Variants in CUBN observed in about 807,000 individuals in gnomAD.
The protein encoded by CUBN is cubilin, also known as 460 kDa receptor.
A neutral mutation model predicts 405.3 loss-of-function variants in CUBN; 282 were observed. The ratio of observed to expected loss-of-function variants is 0.70; its 90% confidence interval spans 0.63 to 0.77. The LOEUF is 0.77. Ranked by LOEUF, CUBN falls within the 30% of genes least tolerant of loss-of-function variation. The probability of loss-of-function intolerance (pLI) is 0.00; values close to 1 mark genes in which losing one functional copy is unlikely to be tolerated. For synonymous variants in CUBN, 1,684 were observed against 1,617.0 expected, an observed-to-expected ratio of 1.04 and a Z score of -0.99; for missense variants, 4,514 against 4,475.2, an observed-to-expected ratio of 1.01 and a Z score of -0.25.
chr10:17,100,262 T>A, intron 13 of CUBN, 23 bp from the exon 14 acceptor site: 2 of 1,435,540 alleles, frequency 1.4e-6, no homozygotes, highest in Non-Finnish European at 2.0e-6. Context: ...AGGCCACATA[T>A]ATTATCTTTT....
chr10:16,928,641 T>C (rs905192696), intron 40 of CUBN, among the ~76,000 whole-genome samples: 1 of 150,878 alleles, frequency 6.6e-6, no homozygotes, highest in African/African-American at 2.4e-5. Flanking sequence ...GTGATTCTCC[T>C]GCCTCAGCCT....
At chr10:16,949,044 C>T (rs114400340) in intron 34 of CUBN, among the ~76,000 whole-genome samples, 3 of 152,156 alleles carry the variant, frequency 2.0e-5, no homozygotes, top group Non-Finnish European at 4.4e-5. Context: ...AAGTGACTTA[C>T]GTGCTTGGTG....
chr10:16,860,785 T>C (rs1314663770), intron 59 of CUBN, among the ~76,000 whole-genome samples: 1 of 152,218 alleles, frequency 6.6e-6, no homozygotes, highest in Non-Finnish European at 1.5e-5. Flanking sequence ...CCTTTCAGTC[T>C]CTTTCTTTAT....
chr10:16,982,880 C>A (rs1833314609), intron 30 of CUBN, among the ~76,000 whole-genome samples: 1 of 152,054 alleles, frequency 6.6e-6, no homozygotes, highest in African/African-American at 2.4e-5. Context: ...ATACAGATGC[C>A]AAAATTTATT....
intron 36 of CUBN, among the ~76,000 whole-genome samples, chr10:16,946,608 G>A (rs958678388): frequency 6.7e-6 from 1 of 149,686 alleles, no homozygotes; most frequent in Non-Finnish European, 1.5e-5. Flanking sequence ...GCATTCTCCT[G>A]CCTCAGCCTC....
At chr10:16,906,124 C>T in intron 50 of CUBN, 79 bp downstream of exon 50, 1 of 1,175,546 alleles carries the variant, frequency 8.5e-7, no homozygotes, top group Non-Finnish European at 1.3e-6. Context: ...AAAACAACAA[C>T]AACAGCAGCG....
intron 14 of CUBN, among the ~76,000 whole-genome samples, chr10:17,095,623 G>A (rs1447536700): frequency 6.6e-6 from 1 of 151,980 alleles, no homozygotes; most frequent in Admixed American, 6.6e-5. Flanking sequence ...GATGAGATGT[G>A]GAGAAAAGGG....
intron 59 of CUBN, among the ~76,000 whole-genome samples, chr10:16,867,656 T>C (rs961249843): frequency 3.9e-5 from 6 of 152,082 alleles, no homozygotes; most frequent in Non-Finnish European, 8.8e-5. Flanking sequence ...TGGCAAGGAG[T>C]TCCGTTTCTA....
At chr10:16,899,226 G>A (rs201786032) in intron 53 of CUBN, 43 bp from the exon 54 acceptor site, 1 of 1,529,564 alleles carries the variant, frequency 6.5e-7, no homozygotes, top group East Asian at 2.2e-5. Context: ...AGCAAGGAAA[G>A]TAATTTTGGA....
chr10:16,917,773 CCTT>C (rs1841923578), intron 45 of CUBN, among the ~76,000 whole-genome samples: 1 of 152,076 alleles, frequency 6.6e-6, no homozygotes, highest in Non-Finnish European at 1.5e-5. Flanking sequence ...CATTTACACT[CCTT>C]ACTTATTTCT....
intron 31 of CUBN, among the ~76,000 whole-genome samples, chr10:16,977,874 C>A (rs1318101269): frequency 6.6e-6 from 1 of 152,178 alleles, no homozygotes; most frequent in Admixed American, 6.5e-5. Context: ...TGAGACACAC[C>A]CCTGTTGAAT....
Position 16,990,429 on chromosome 10 carries a change from A to G in CUBN, c.4255T>C (p.Trp1419Arg). The G allele has an allele frequency of 6.2e-7, 1 of 1,614,172 alleles. No individual in the cohort carries two copies. ...NRYPPNKECI[W>R]YIRTDPGSSI... ...CTCCCGGGGTCCGTCCTAATGTACC[A>G]GATACACTCCTTGTTTGGTGGATAC... Residue 1419 changes from tryptophan to arginine, a missense_variant, in exon 29 of 67, where the codon TGG becomes CGG. By Grantham distance (101) the Trp-to-Arg change is moderately radical. Transcript: ENST00000377833.
chr10:16,904,954 G>A (rs1022203651), intron 50 of CUBN, among the ~76,000 whole-genome samples: 7 of 152,148 alleles, frequency 4.6e-5, no homozygotes, highest in African/African-American at 1.4e-4. Flanking sequence ...AGAGGTTGGA[G>A]GACTCTCTGG....
chr10:16,914,014 G>T (rs1199228147), intron 47 of CUBN, 22 bp from the exon 48 acceptor site: 1 of 1,612,956 alleles, frequency 6.2e-7, no homozygotes, highest in Non-Finnish European at 8.5e-7. Context: ...AAAAAGCCAA[G>T]AAAACTTTCA....
intron 46 of CUBN, 88 bp from the exon 47 acceptor site, chr10:16,915,260 A>C: frequency 6.5e-7 from 1 of 1,533,004 alleles, no homozygotes; most frequent in African/African-American, 1.4e-5. Context: ...TACAAAGAAA[A>C]TAATAAAAAA....
intron 36 of CUBN, among the ~76,000 whole-genome samples, 171 bp downstream of exon 36, chr10:16,947,064 G>A (rs1206979125): frequency 6.6e-6 from 1 of 152,152 alleles, no homozygotes; most frequent in Non-Finnish European, 1.5e-5. Context: ...AACCATGGTC[G>A]AGAGAAACTT....
At chr10:16,934,405 G>A (rs1842442467) in intron 39 of CUBN, among the ~76,000 whole-genome samples, 1 of 152,116 alleles carries the variant, frequency 6.6e-6, no homozygotes, top group Non-Finnish European at 1.5e-5. Flanking sequence ...AACAGGAAGT[G>A]AATATAAAAT....
chr10:16,826,569 T>C (rs929102903), intron 66 of CUBN, among the ~76,000 whole-genome samples: 1 of 152,166 alleles, frequency 6.6e-6, no homozygotes, highest in African/African-American at 2.4e-5. Context: ...AAATCAGTGG[T>C]ACCTTTAAGA....
chr10:16,998,628 A>G (rs543987601), intron 28 of CUBN, among the ~76,000 whole-genome samples: 47 of 152,278 alleles, frequency 3.1e-4, no homozygotes, highest in Non-Finnish European at 5.7e-4. Flanking sequence ...AGGTGGCCAA[A>G]CTCCCAGGTA....
Sources: allele counts gnomAD v4.1 joint callset (sites outside exome capture counted in the v4.1 genomes callset), GRCh38; gene constraint gnomAD v4.1.1; transcripts MANE v1.5; gene names NCBI Gene and HGNC (gene_info 2026-07-23, HGNC 2026-07-21).